CNTN1: variants seen among roughly 807,000 people sequenced by gnomAD.
The protein encoded by CNTN1 is contactin 1.
CNTN1 carries 38 observed loss-of-function variants against 126.4 expected under a neutral mutation model. That is an observed-to-expected ratio of 0.30 (90% CI 0.23 to 0.39). The LOEUF (loss-of-function observed/expected upper bound fraction) is 0.39. Ranked by LOEUF, CNTN1 falls within the 10% of genes least tolerant of loss-of-function variation. CNTN1 has a pLI of 1.00. For missense variants in CNTN1, 1,009 were observed against 1,248.4 expected (o/e 0.81, Z 2.89); for synonymous variants, 413 against 422.6 (o/e 0.98, Z 0.28).
At chr12:40,885,675 T>C (rs1944005242) in intron 1 of CNTN1, among the ~76,000 whole-genome samples, 1 of 152,068 alleles carries the variant, frequency 6.6e-6, no homozygotes, top group South Asian at 2.1e-4. Context: ...ATGCATTAGC[T>C]ATAATTTGTT....
Position 40,914,889 on chromosome 12 carries a change from T to A in CNTN1, c.95-3750T>A, listed in dbSNP as rs553454058. Among the ~76,000 whole-genome samples, 6 of 152,260 alleles carry A rather than the reference T, an allele frequency of 3.9e-5. No individual in the cohort carries two copies. In the East Asian group the frequency reaches 1.2e-3, roughly 29 times the overall value. ...AAAATTGTATATCCCCTTTGAGGGT[T>A]TGCTCATTCCTTATATATAGGAATA... On this transcript the variant is annotated intron_variant, in intron 3 of 23. Transcript: ENST00000551295.
At chr12:40,718,795 C>A (rs17128670) in intron 1 of CNTN1, among the ~76,000 whole-genome samples, 1 of 152,102 alleles carries the variant, frequency 6.6e-6, no homozygotes, top group African/African-American at 2.4e-5. Context: ...ATCTGATGGA[C>A]GTCACACCTG....
intron 1 of CNTN1, chr12:40,728,876 C>G (rs1330976032): frequency 6.6e-6 from 1 of 152,176 alleles, no homozygotes. Flanking sequence ...CCTGCATCAA[C>G]TGGGCATCCA....
At chr12:40,932,072 G>A (rs577253770) in intron 7 of CNTN1, among the ~76,000 whole-genome samples, 2 of 151,910 alleles carry the variant, frequency 1.3e-5, no homozygotes, top group African/African-American at 2.4e-5. Flanking sequence ...AAAAATGCCA[G>A]CAAGGTCTTC....
At chr12:40,926,613 T>C (rs1945703034) in intron 6 of CNTN1, among the ~76,000 whole-genome samples, 1 of 152,042 alleles carries the variant, frequency 6.6e-6, no homozygotes, top group African/African-American at 2.4e-5. Context: ...GTTACTGTTT[T>C]AAGAAAGGAC....
At chr12:40,994,531 A>C (rs1468948247) in intron 17 of CNTN1, among the ~76,000 whole-genome samples, 4 of 152,128 alleles carry the variant, frequency 2.6e-5, no homozygotes, top group African/African-American at 9.6e-5. Context: ...CAGTTTCTTT[A>C]TATTTTTGTT....
At chr12:41,015,177 A>G (rs1011993997) in intron 18 of CNTN1, among the ~76,000 whole-genome samples, 67 of 124,132 alleles carry the variant, frequency 5.4e-4, no homozygotes, top group African/African-American at 1.9e-3. Flanking sequence ...CATTTAAATC[A>G]CATTTTAAAG....
At chr12:40,698,008 T>C (rs6581905) in intron 1 of CNTN1, among the ~76,000 whole-genome samples, 2 of 151,984 alleles carry the variant, frequency 1.3e-5, no homozygotes, top group Non-Finnish European at 2.9e-5. Context: ...AATTTTTCAC[T>C]CCTGTACTTG....
intron 1 of CNTN1, chr12:40,742,306 C>T (rs1937977302): frequency 6.6e-6 from 1 of 152,068 alleles, no homozygotes; most frequent in Non-Finnish European, 1.5e-5. Context: ...AAACTAAAAG[C>T]ATTTGGTAGA....
At chr12:41,011,039 G>A (rs1163309124) in intron 17 of CNTN1, among the ~76,000 whole-genome samples, 3 of 152,136 alleles carry the variant, frequency 2.0e-5, no homozygotes, top group Middle Eastern at 3.2e-3. Flanking sequence ...GTTAGGATTT[G>A]GCTTAAGAGC....
chr12:41,042,621 A>T (rs1949442254), intron 23 of CNTN1, among the ~76,000 whole-genome samples: 1 of 152,070 alleles, frequency 6.6e-6, no homozygotes. Flanking sequence ...GCTACCAATG[A>T]CTTTCTTCAC....
chr12:41,025,450 AT>A, intron 21 of CNTN1, 114 bp downstream of exon 21: 1 of 987,890 alleles, frequency 1.0e-6, no homozygotes, highest in Non-Finnish European at 1.6e-6. Context: ...ATTTTTCAAT[AT>A]CCTTTACAGC....
intron 23 of CNTN1, among the ~76,000 whole-genome samples, chr12:41,034,659 A>G (rs1429729070): frequency 6.6e-6 from 1 of 152,208 alleles, no homozygotes; most frequent in Non-Finnish European, 1.5e-5. Flanking sequence ...TGAGTATTCA[A>G]GTATATAAAT....
At chr12:40,965,447 G>T (rs1444877346) in intron 15 of CNTN1, among the ~76,000 whole-genome samples, 1 of 152,092 alleles carries the variant, frequency 6.6e-6, no homozygotes, top group Non-Finnish European at 1.5e-5. Context: ...GAGCTGGTAG[G>T]ACAAATTCTT....
intron 1 of CNTN1, among the ~76,000 whole-genome samples, chr12:40,795,813 G>A (rs75976610): frequency 0.012 from 1,892 of 152,148 alleles, 38 homozygotes; most frequent in African/African-American, 0.043. Flanking sequence ...TTCTGTAATC[G>A]TTGCTAACAG....
chr12:40,906,825 G>A (rs914607546), intron 1 of CNTN1, among the ~76,000 whole-genome samples: 5 of 151,712 alleles, frequency 3.3e-5, no homozygotes, highest in Non-Finnish European at 7.4e-5. Context: ...ATACAGGCAT[G>A]CGCCACTAAG....
intron 1 of CNTN1, among the ~76,000 whole-genome samples, chr12:40,699,080 C>CCATGGTAAT (rs71869169): frequency 3.4e-3 from 10 of 2,960 alleles, no homozygotes; most frequent in African/African-American, 6.8e-3. Context: ...ATTTTGACTC[C>CCATGGTAAT]CTGTGGATAT....
chr12:41,049,580 G>A (rs1290363672), intron 23 of CNTN1, among the ~76,000 whole-genome samples: 2 of 152,188 alleles, frequency 1.3e-5, no homozygotes, highest in Non-Finnish European at 2.9e-5. Flanking sequence ...TTGTCTCCAG[G>A]ATTGTTGCAC....
intron 14 of CNTN1, among the ~76,000 whole-genome samples, chr12:40,955,052 ACCAGGC>A (rs751440995): frequency 6.6e-6 from 1 of 152,044 alleles, no homozygotes; most frequent in Non-Finnish European, 1.5e-5. Flanking sequence ...TTGTGGCATG[ACCAGGC>A]CCTTCTCTAA....
Sources: allele counts gnomAD v4.1 joint callset (sites outside exome capture counted in the v4.1 genomes callset), GRCh38; gene constraint gnomAD v4.1.1; transcripts MANE v1.5; gene names NCBI Gene and HGNC (gene_info 2026-07-23, HGNC 2026-07-21).